PTPRG: variants seen among roughly 807,000 people sequenced by gnomAD.
PTPRG encodes the protein receptor-type tyrosine-protein phosphatase gamma.
PTPRG carries 102 observed loss-of-function variants against 165.3 expected under a neutral mutation model. That is an observed-to-expected ratio of 0.62 (90% CI 0.53 to 0.73). PTPRG has a LOEUF of 0.73. Ranked by LOEUF, PTPRG falls within the 30% of genes least tolerant of loss-of-function variation. The probability of loss-of-function intolerance (pLI) is 0.00; values close to 1 mark genes in which losing one functional copy is unlikely to be tolerated. For missense variants in PTPRG, 1,866 were observed against 1,861.4 expected, an observed-to-expected ratio of 1.00 and a Z score of -0.05; for synonymous variants, 675 against 669.5, an observed-to-expected ratio of 1.01 and a Z score of -0.13.
intron 3 of PTPRG, among the ~76,000 whole-genome samples, chr3:62,000,729 A>G (rs1354614680): frequency 6.6e-6 from 1 of 152,142 alleles, no homozygotes; most frequent in African/African-American, 2.4e-5. Context: ...GTTGCTTTAA[A>G]GTATAACTTT....
At chr3:61,895,659 G>T (rs1334121111) in intron 2 of PTPRG, among the ~76,000 whole-genome samples, 1 of 152,160 alleles carries the variant, frequency 6.6e-6, no homozygotes, top group Admixed American at 6.5e-5. Flanking sequence ...AAATATGTTT[G>T]TTGGGCTTCT....
chr3:61,581,071 G>T (rs1700283009), intron 1 of PTPRG, among the ~76,000 whole-genome samples: 2 of 152,150 alleles, frequency 1.3e-5, no homozygotes, highest in South Asian at 4.1e-4. Context: ...TTTCTCAATG[G>T]TATTTTTTTG....
Position 61,653,898 on chromosome 3 carries a change from GT to G in PTPRG, c.85+91527del, listed in dbSNP as rs200598793. 2.5e-3 allele frequency among the ~76,000 whole-genome samples: 263 copies of G among 104,850 alleles called. 19 individuals are homozygous for G. The South Asian group carries it at 0.059, about 24-fold the overall frequency. The allele number at this position is 104,850 out of a possible 152,430, so 68.8% of individuals were successfully genotyped here. ...TGTGCAGGTTGTTAAGCGGGGAGCG[GT>G]GGGGGGCGCGGGGAACTGTAAGGGA... On this transcript the variant is annotated intron_variant, in intron 1 of 29. Transcript: ENST00000474889.
chr3:61,883,356 C>G (rs930322205), intron 2 of PTPRG, among the ~76,000 whole-genome samples: 1 of 152,114 alleles, frequency 6.6e-6, no homozygotes, highest in Non-Finnish European at 1.5e-5. Flanking sequence ...GTGTGCCCTT[C>G]CCTGTGGTTC....
At chr3:61,589,692 TC>T (rs1700520147) in intron 1 of PTPRG, among the ~76,000 whole-genome samples, 1 of 152,118 alleles carries the variant, frequency 6.6e-6, no homozygotes, top group Non-Finnish European at 1.5e-5. Flanking sequence ...GATGGCCTTG[TC>T]CGTTGCTGTA....
At chr3:61,800,744 A>G (rs943715425) in intron 2 of PTPRG, among the ~76,000 whole-genome samples, 1 of 151,766 alleles carries the variant, frequency 6.6e-6, no homozygotes, top group African/African-American at 2.4e-5. Flanking sequence ...CCTGGGTTCA[A>G]GTGATTCTCC....
intron 2 of PTPRG, among the ~76,000 whole-genome samples, chr3:61,832,895 T>C (rs1020297177): frequency 1.3e-5 from 2 of 152,218 alleles, no homozygotes; most frequent in African/African-American, 2.4e-5. Context: ...TCCAGCGTTA[T>C]CATTCCTATG....
Position 62,222,219 on chromosome 3 carries a change from T to C in PTPRG, c.2288+3236T>C, listed in dbSNP as rs1182859326. 1.3e-5 allele frequency among the ~76,000 whole-genome samples: 2 copies of C among 152,246 alleles called. No homozygotes were observed. Among genetic ancestry groups the C allele is most frequent in the East Asian group, 3.8e-4 (2 of 5,202 alleles). ...AAAGCTCAAGGGGAAAAAAAAAAGT[T>C]TGATTCATGGAATTGAGAAGTTCAG... On this transcript the variant is annotated intron_variant, in intron 13 of 29. Coordinates refer to ENST00000474889, the MANE Select transcript of PTPRG (RefSeq NM_002841.4). This position sits in a 1 kb window ranked among gnomAD's most constrained non-coding sequence, Gnocchi z 4.5.
At chr3:62,164,692 G>A (rs1364942218) in intron 7 of PTPRG, among the ~76,000 whole-genome samples, 1 of 152,246 alleles carries the variant, frequency 6.6e-6, no homozygotes, top group Non-Finnish European at 1.5e-5. Flanking sequence ...ATGTCATTAA[G>A]CTGCAATAGC....
chr3:61,912,305 A>G (rs542791809), intron 2 of PTPRG, among the ~76,000 whole-genome samples: 38 of 152,128 alleles, frequency 2.5e-4, no homozygotes, highest in Non-Finnish European at 5.1e-4. Flanking sequence ...TCTTCTATTT[A>G]CTTGGGTGAG....
chr3:61,621,896 C>T lies in PTPRG; in HGVS notation c.85+59524C>T, dbSNP rs750429859. ...TCTCTGTAGAATTAAGTAGAGAACACGGGAAATAGCCAGCACATGGTCTGG... is the reference window on the plus strand; with the variant it reads ...TCTCTGTAGAATTAAGTAGAGAACATGGGAAATAGCCAGCACATGGTCTGG... On this transcript the variant is annotated intron_variant, in intron 1 of 29. Coordinates refer to ENST00000474889, the MANE Select transcript of PTPRG (RefSeq NM_002841.4). Among the ~76,000 whole-genome samples the T allele has an allele frequency of 4.6e-5, 7 of 152,198 alleles. No individual in the cohort carries two copies. In the East Asian group the frequency reaches 7.7e-4, roughly 17 times the overall value.
At chr3:61,920,892 A>G (rs78581021) in intron 2 of PTPRG, among the ~76,000 whole-genome samples, 1,617 of 152,332 alleles carry the variant, frequency 0.011, 35 homozygotes, top group South Asian at 0.092. Flanking sequence ...TTTAATAAAA[A>G]TGAATTTTGA....
At chr3:61,819,180 C>G (rs1437400785) in intron 2 of PTPRG, among the ~76,000 whole-genome samples, 1 of 151,968 alleles carries the variant, frequency 6.6e-6, no homozygotes, top group Non-Finnish European at 1.5e-5. Context: ...AAATGTGAAC[C>G]ATGAATTTTA....
At chr3:61,989,859 T>G (rs1456254028) in intron 3 of PTPRG, 55 bp downstream of exon 3, 2 of 1,582,336 alleles carry the variant, frequency 1.3e-6, no homozygotes, top group African/African-American at 2.7e-5. Context: ...TTTTTGGATG[T>G]CTCTGGTGTT....
At chr3:61,644,698 A>C (rs1259995729) in intron 1 of PTPRG, among the ~76,000 whole-genome samples, 2 of 152,200 alleles carry the variant, frequency 1.3e-5, no homozygotes, top group East Asian at 3.9e-4. Context: ...GGATACTAGG[A>C]ATGTGATCCA....
intron 4 of PTPRG, among the ~76,000 whole-genome samples, chr3:62,008,548 A>G (rs2041347470): frequency 6.6e-6 from 1 of 152,238 alleles, no homozygotes; most frequent in Non-Finnish European, 1.5e-5. Context: ...ACAGGTCTGC[A>G]ATCCCTTATC....
rs183841347 is a variant in PTPRG at position 62,279,361 on chromosome 3, T to C, written c.3765+1682T>C. On this transcript the variant is annotated intron_variant, in intron 26 of 29. Coordinates refer to ENST00000474889, the MANE Select transcript of PTPRG (RefSeq NM_002841.4). ...TTCTTAGACTTTCAAGATGAACCAT[T>C]TTTCTACCTTTCTTCTACCATAACT... Among the ~76,000 whole-genome samples, 6 of 152,204 alleles carry C rather than the reference T, an allele frequency of 3.9e-5. No homozygotes were observed. In the East Asian group the frequency reaches 9.7e-4, roughly 25 times the overall value.
chr3:61,972,109 G>C (rs1301654681), intron 2 of PTPRG, among the ~76,000 whole-genome samples: 2 of 152,228 alleles, frequency 1.3e-5, no homozygotes, highest in Non-Finnish European at 2.9e-5. Context: ...CACAATGGAA[G>C]ACGGTTTACA....
intron 7 of PTPRG, among the ~76,000 whole-genome samples, chr3:62,162,940 A>AGAAAAGAG (rs1704824421): frequency 6.6e-6 from 1 of 152,194 alleles, no homozygotes; most frequent in Non-Finnish European, 1.5e-5. Flanking sequence ...GTAATTTATT[A>AGAAAAGAG]GAAAAGAGGT....
Sources: gnomAD v4.1 joint callset for allele counts (sites outside exome capture counted in the v4.1 genomes callset) on GRCh38, gnomAD v4.1.1 for gene constraint, Gnocchi (gnomAD v3.1) non-coding constraint, MANE v1.5 for transcripts, NCBI Gene and HGNC (gene_info 2026-07-23, HGNC 2026-07-21) for gene names.